SCAI: variants seen among roughly 807,000 people sequenced by gnomAD.
SCAI encodes protein SCAI.
SCAI carries 24 observed loss-of-function variants against 92.2 expected under a neutral mutation model. The observed-to-expected ratio is 0.26, with a 90% CI of 0.19 to 0.37. The LOEUF is 0.37. SCAI is among the 10% of genes least tolerant of loss of function. SCAI has a pLI of 1.00. For synonymous variants in SCAI, 261 were observed against 258.6 expected (o/e 1.01, Z -0.09); for missense variants, 450 against 736.2 (o/e 0.61, Z 4.50).
chr9:125,046,196 G>GATAT (rs71374222), intron 3 of SCAI, among the ~76,000 whole-genome samples: 1,130 of 51,822 alleles, frequency 0.022, 38 homozygotes, highest in Admixed American at 0.035. Flanking sequence ...GAAATTGTGA[G>GATAT]ATATATATAT....
rs949712358 is a variant in SCAI, at chr9:125,137,474, C to T, written c.98+5159G>A. Among the ~76,000 whole-genome samples, 10 of 152,344 alleles carry T rather than the reference C, an allele frequency of 6.6e-5. No individual in the cohort carries two copies. In the South Asian group the frequency reaches 1.0e-3, roughly 16 times the overall value. On this transcript the variant is annotated intron_variant, in intron 2 of 17. Coordinates refer to ENST00000336505, the MANE Select transcript of SCAI (RefSeq NM_001144877.3). ...AAACACGTATAGTCCCCACAGTGTA[C>T]GCATCCCTCTTTACCTCTGAATCAA...
Position 124,991,078 on chromosome 9 carries a change from C to A in SCAI, c.1326+3856G>T, listed in dbSNP as rs147519450. ...TCATAAACATTAACAAGTGGCCAGG[C>A]GCAGTGGCTCATGCCTACAATCCCA... On this transcript the variant is annotated intron_variant, in intron 14 of 17. Transcript: ENST00000336505. 2.0e-5 allele frequency among the ~76,000 whole-genome samples: 3 copies of A among 152,104 alleles called. 1 individual carries two copies. The highest frequency in any genetic ancestry group is 1.5e-5 in the Non-Finnish European group (1 of 68,028).
intron 2 of SCAI, among the ~76,000 whole-genome samples, chr9:125,137,913 T>G (rs145063787): frequency 0.019 from 2,906 of 152,250 alleles, 49 homozygotes; most frequent in Non-Finnish European, 0.03. Context: ...AGAAGCAATC[T>G]TTAAAAACTC....
intron 12 of SCAI, among the ~76,000 whole-genome samples, chr9:125,000,643 T>A (rs1369488136): frequency 6.6e-6 from 1 of 152,108 alleles, no homozygotes; most frequent in Non-Finnish European, 1.5e-5. Flanking sequence ...AAGCTTTTTT[T>A]TTTTTAAAGA....
Position 125,142,655 on chromosome 9 carries a change from G to T in SCAI, c.76C>A (p.Pro26Thr). The T allele has an allele frequency of 6.2e-7, 1 of 1,613,920 alleles. No individual in the cohort carries two copies. The highest frequency in any genetic ancestry group is 1.1e-5 in the South Asian group (1 of 91,060). The change falls in exon 2 of 18, where the codon CCG becomes ACG. Residue 26 changes from proline to threonine, a missense_variant. Transcript: ENST00000336505. Reference protein sequence around the residue: ...APRLTGTVEKPPRKRRSRTEF... With the variant: ...APRLTGTVEKTPRKRRSRTEF... ...TACCTGCTTCTCCGTTTTCGAGGCG[G>T]TTTCTCCACTGTGCCAGTCAGTCTG...
At chr9:124,993,203 G>T (rs1350799162) in intron 14 of SCAI, among the ~76,000 whole-genome samples, 7 of 152,234 alleles carry the variant, frequency 4.6e-5, no homozygotes, top group Non-Finnish European at 8.8e-5. Flanking sequence ...GGCTTTATAA[G>T]TTTAATTGGG....
chr9:124,984,519 G>C (rs1831948849), intron 14 of SCAI, among the ~76,000 whole-genome samples: 1 of 152,160 alleles, frequency 6.6e-6, no homozygotes, highest in Admixed American at 6.6e-5. Flanking sequence ...TAGGATCTTG[G>C]ATATACATAT....
chr9:125,047,102 A>G (rs1469782885), intron 3 of SCAI, among the ~76,000 whole-genome samples: 1 of 152,218 alleles, frequency 6.6e-6, no homozygotes, highest in Non-Finnish European at 1.5e-5. Context: ...AAACTCGTAC[A>G]TTCAACCTCT....
chr9:124,982,597 T>C (rs1831908756), intron 14 of SCAI, among the ~76,000 whole-genome samples: 1 of 150,988 alleles, frequency 6.6e-6, no homozygotes, highest in South Asian at 2.1e-4. Context: ...GGAGACTCAC[T>C]TGAACCCGGG....
intron 9 of SCAI, among the ~76,000 whole-genome samples, chr9:125,006,158 C>T (rs188100721): frequency 1.2e-4 from 19 of 152,188 alleles, no homozygotes; most frequent in East Asian, 3.9e-4. Context: ...AATCATAAAA[C>T]GCATGAAGAA....
rs764858681 is a variant in SCAI, at chr9:125,073,092, ATTTTTTTTTTTTT to A, written c.99-17098_99-17086del. ...GGATCATATGAGGATTCTATTTTTA[ATTTTTTTTTTTTT>A]TTTTTTTTTTTTTTTTTGAGACGGA... On this transcript the variant is annotated intron_variant, in intron 2 of 17. Coordinates refer to ENST00000336505, the MANE Select transcript of SCAI (RefSeq NM_001144877.3). Among the ~76,000 whole-genome samples the A allele has an allele frequency of 1.7e-4, 12 of 72,478 alleles. No individual in the cohort carries two copies. The East Asian group carries it at 2.3e-3, about 14-fold the overall frequency. The allele number at this position is 72,478 out of a possible 152,430, so 47.5% of individuals were successfully genotyped here.
intron 2 of SCAI, among the ~76,000 whole-genome samples, chr9:125,082,529 C>T (rs1413205826): frequency 6.6e-6 from 1 of 152,194 alleles, no homozygotes; most frequent in Non-Finnish European, 1.5e-5. Flanking sequence ...GGTAGATACA[C>T]TGACAGCTTG....
intron 16 of SCAI, 82 bp from the exon 17 acceptor site, chr9:124,971,552 G>A (rs547235275): frequency 6.6e-5 from 92 of 1,393,940 alleles, no homozygotes; most frequent in Middle Eastern, 3.6e-4. Context: ...TCAGGAAAGC[G>A]TTCTCAACTT....
At chr9:124,986,255 C>T (rs554874413) in intron 14 of SCAI, among the ~76,000 whole-genome samples, 1 of 152,278 alleles carries the variant, frequency 6.6e-6, no homozygotes, top group East Asian at 1.9e-4. Context: ...CACGCCACTG[C>T]ACTCCAGCCT....
intron 2 of SCAI, among the ~76,000 whole-genome samples, chr9:125,101,039 A>G (rs1004076321): frequency 6.6e-6 from 1 of 152,136 alleles, no homozygotes; most frequent in Non-Finnish European, 1.5e-5. Flanking sequence ...AGCCTGGGCA[A>G]CACAGTGAGA....
At chr9:124,999,394 A>G (rs78520836) in intron 13 of SCAI, among the ~76,000 whole-genome samples, 2,627 of 152,124 alleles carry the variant, frequency 0.017, 69 homozygotes, top group African/African-American at 0.06. Context: ...CTCAAAAAAA[A>G]AAAAAAATGT....
intron 2 of SCAI, among the ~76,000 whole-genome samples, chr9:125,109,391 G>T (rs1359531898): frequency 2.0e-5 from 3 of 151,610 alleles, no homozygotes; most frequent in Non-Finnish European, 4.4e-5. Flanking sequence ...ATAAAAGACA[G>T]GTCTCTGGTA....
chr9:125,019,977 G>A (rs1432769406), intron 7 of SCAI, among the ~76,000 whole-genome samples: 1 of 151,448 alleles, frequency 6.6e-6, no homozygotes, highest in East Asian at 1.9e-4. Flanking sequence ...AGGAGGCTAA[G>A]GTGGGAGGAC....
intron 17 of SCAI, among the ~76,000 whole-genome samples, chr9:124,957,559 A>C (rs1278485046): frequency 7.1e-6 from 1 of 140,592 alleles, no homozygotes; most frequent in Non-Finnish European, 1.5e-5. Context: ...TTTAGTAAAG[A>C]TGAGGTTTCA....
Sources: allele counts gnomAD v4.1 joint callset (sites outside exome capture counted in the v4.1 genomes callset), GRCh38; gene constraint gnomAD v4.1.1; transcripts MANE v1.5; gene names NCBI Gene and HGNC (gene_info 2026-07-23, HGNC 2026-07-21).